The following CEP78 variants were observed in gnomAD, a reference collection of about 807,000 sequenced individuals.
The protein encoded by CEP78 is centrosomal protein 78, also known as centrosomal protein of 78 kDa.
A neutral mutation model predicts 81.2 loss-of-function variants in CEP78; 76 were observed. The observed-to-expected ratio is 0.94, with a 90% CI of 0.78 to 1.13. The LOEUF (loss-of-function observed/expected upper bound fraction) is 1.13. Among genes scored for constraint, CEP78 ranks in the 50% most tolerant of loss-of-function variants. The pLI, the probability that CEP78 is intolerant of heterozygous loss-of-function variation, is 0.00. For missense variants in CEP78, 918 were observed against 846.8 expected (o/e 1.08, Z -1.04); for synonymous variants, 293 against 301.4 (o/e 0.97, Z 0.29).
At position 78,275,909 on chromosome 9, in the gene CEP78, A is replaced by C. The variant is rs1042159182; in HGVS notation, c.*5058A>C. ...TGCAGTGAGCTGTGATCATGCCACC[A>C]CTGCTCTCTAGCCTGGGCAAGAGTG... On this transcript the variant is annotated 3_prime_UTR_variant, in exon 17 of 17. Transcript: ENST00000643273. 6.6e-6 allele frequency: 1 copy of C among 152,258 alleles called. No homozygotes were observed. The highest frequency in any genetic ancestry group is 1.9e-4 in the East Asian group (1 of 5,190). The allele number at this position is 152,258 out of a possible 1,614,324, so 9.4% of individuals were successfully genotyped here.
At chr9:78,248,730 C>T in intron 7 of CEP78, 32 bp from the exon 8 acceptor site, 1 of 1,117,614 alleles carries the variant, frequency 8.9e-7, no homozygotes, top group South Asian at 1.5e-5. Context: ...TGATCTGTAA[C>T]TGAAATATAG....
At chr9:78,248,928 T>C (rs1826629274) in intron 8 of CEP78, 55 bp downstream of exon 8, 6 of 816,112 alleles carry the variant, frequency 7.4e-6, no homozygotes, top group Non-Finnish European at 1.2e-5. Context: ...TGTGTTAAAA[T>C]TAAAATCTCT....
At chr9:78,238,155 C>T (rs1360328385) in intron 1 of CEP78, among the ~76,000 whole-genome samples, 1 of 151,082 alleles carries the variant, frequency 6.6e-6, no homozygotes, top group Non-Finnish European at 1.5e-5. Flanking sequence ...GGTAGGATTT[C>T]AGATATCTAA....
chr9:78,256,533 T>TA (rs1369166481), intron 11 of CEP78, among the ~76,000 whole-genome samples: 3 of 140,648 alleles, frequency 2.1e-5, no homozygotes, highest in Admixed American at 7.1e-5. Flanking sequence ...TATTTTTTTT[T>TA]TTTTTTTTTT....
intron 3 of CEP78, among the ~76,000 whole-genome samples, chr9:78,241,342 T>C (rs1395594421): frequency 2.0e-5 from 3 of 152,238 alleles, no homozygotes; most frequent in Admixed American, 6.5e-5. Flanking sequence ...TAATAACAGA[T>C]TGAGGTCTGC....
intron 13 of CEP78, 103 bp downstream of exon 13, chr9:78,264,419 G>A: frequency 1.2e-6 from 1 of 857,028 alleles, no homozygotes; most frequent in Middle Eastern, 2.9e-4. Flanking sequence ...CATATTTACT[G>A]TGTAATTATA....
At position 78,248,181 on chromosome 9, in the gene CEP78, A is replaced by G. The variant is rs183163396; in HGVS notation, c.893-110A>G. 1.5e-3 allele frequency: 1,002 copies of G among 686,134 alleles called. 12 individuals carry two copies. Among genetic ancestry groups the G allele is most frequent in the Admixed American group, 2.8e-4 (11 of 39,362 alleles). 42.5% of individuals were successfully genotyped at this position (686,134 alleles called of 1,614,324 possible). ...TATTTAATTACATTATGTGGAATTC[A>G]TATTCAATTTCATGGGAAAAAGCAA... On this transcript the variant is annotated intron_variant, in intron 6 of 16. Transcript: ENST00000643273.
chr9:78,265,881 CT>C lies in CEP78; in HGVS notation c.1822del (p.Tyr608ThrfsTer6). 1 of 1,399,784 alleles carries C rather than the reference CT, an allele frequency of 7.1e-7. No individual in the cohort carries two copies. Among genetic ancestry groups the C allele is most frequent in the Non-Finnish European group, 9.9e-7 (1 of 1,008,354 alleles). The allele number at this position is 1,399,784 out of a possible 1,614,324, so 86.7% of individuals were successfully genotyped here. ...TAGGTTTCTATTTGTATGCAGTCAG[CT>C]TACAATGAAGGAACACTAATGAAGG... The part of the protein sequence containing the change: ...NIQVSICMQS[A>X]YNEGTLMKFQ... On this transcript the variant is annotated frameshift_variant, in exon 15 of 17. Transcript: ENST00000643273. LOFTEE classifies it high-confidence loss of function.
At position 78,276,174 on chromosome 9, in the gene CEP78, T is replaced by C. The variant is rs76551883; in HGVS notation, c.*5323T>C. The C allele has an allele frequency of 2.0e-5, 3 of 152,154 alleles. No homozygotes were observed. Among genetic ancestry groups the C allele is most frequent in the African/African-American group, 4.8e-5 (2 of 41,440 alleles). 9.4% of individuals were successfully genotyped at this position (152,154 alleles called of 1,614,324 possible). On this transcript the variant is annotated 3_prime_UTR_variant, in exon 17 of 17. Coordinates refer to ENST00000643273, the MANE Select transcript of CEP78 (RefSeq NM_001330691.3). ...GAATTCAGCATTGTAGCAAAAGATATATCATTTTCAAGGAAGATTTGTACC... is the reference window on the plus strand; with the variant it reads ...GAATTCAGCATTGTAGCAAAAGATACATCATTTTCAAGGAAGATTTGTACC...
At chr9:78,259,293 A>C (rs1200863182) in intron 11 of CEP78, among the ~76,000 whole-genome samples, 1 of 152,198 alleles carries the variant, frequency 6.6e-6, no homozygotes, top group Admixed American at 6.5e-5. Context: ...ATGCATATAA[A>C]GGAAATGATC....
chr9:78,266,303 A>G (rs975959869), intron 15 of CEP78, 139 bp from the exon 16 acceptor site: 13 of 632,438 alleles, frequency 2.1e-5, no homozygotes, highest in African/African-American at 9.2e-5. Flanking sequence ...TAAGTTGGCA[A>G]TCACTTGGCA....
intron 11 of CEP78, among the ~76,000 whole-genome samples, chr9:78,258,989 A>G (rs1206200160): frequency 1.3e-5 from 2 of 152,154 alleles, no homozygotes; most frequent in Non-Finnish European, 2.9e-5. Context: ...TTGGGACCCA[A>G]CAAGTCATCT....
In CEP78 at chr9:78,236,095, A is replaced by G. The variant is rs1475353605; in HGVS notation, c.-256A>G. 9.9e-6 allele frequency: 5 copies of G among 506,042 alleles called. No individual in the cohort carries two copies. The Admixed American group carries it at 1.2e-4, about 12-fold the overall frequency. The allele number at this position is 506,042 out of a possible 1,614,324, so 31.3% of individuals were successfully genotyped here. A position where few individuals can be genotyped will look rare whatever the true frequency, so the allele number is the denominator to read the frequency against. On this transcript the variant is annotated 5_prime_UTR_variant, in exon 1 of 17. Transcript: ENST00000643273. Reference sequence around the variant, plus strand: ...CCACCGGCTTGAATCCCGGCGCCTCAGAGGACTATGAGGCGGGCGCCAACT... The same window carrying G: ...CCACCGGCTTGAATCCCGGCGCCTCGGAGGACTATGAGGCGGGCGCCAACT...
In CEP78 at chr9:78,276,590, A is replaced by C. The variant is rs1352127489; in HGVS notation, c.*5739A>C. 2.0e-5 allele frequency: 3 copies of C among 151,352 alleles called. No homozygotes were observed. In the East Asian group the frequency reaches 5.8e-4, roughly 29 times the overall value. The allele number at this position is 151,352 out of a possible 1,614,324, so 9.4% of individuals were successfully genotyped here. On this transcript the variant is annotated 3_prime_UTR_variant, in exon 17 of 17. Transcript: ENST00000643273. ...AAGCTGAATAAGGAGGCTGTGCACA[A>C]CACCAACACACCGGTATGAAAAGTG...
chr9:78,266,266 T>C (rs1327706520), intron 15 of CEP78, among the ~76,000 whole-genome samples, 176 bp from the exon 16 acceptor site: 1 of 152,182 alleles, frequency 6.6e-6, no homozygotes, highest in African/African-American at 2.4e-5. Flanking sequence ...GAAAATGTGC[T>C]GGACCTACTC....
chr9:78,251,999 T>A lies in CEP78; in HGVS notation c.1161T>A (p.Ser387=), dbSNP rs1263426280. Residue 387 remains serine, a synonymous_variant, in exon 9 of 17, where the codon TCT becomes TCA. Coordinates refer to ENST00000643273, the MANE Select transcript of CEP78 (RefSeq NM_001330691.3). The part of the protein sequence containing the change: ...YAPAPLPPGV[S]GFLPWRTAER... ...CCGCACCTCTTCCACCTGGTGTGTCTGGTTTCTTGCCGTGGCGTACTGCAG... is the reference window on the plus strand; with the variant it reads ...CCGCACCTCTTCCACCTGGTGTGTCAGGTTTCTTGCCGTGGCGTACTGCAG... 2 of 1,606,284 alleles carry A rather than the reference T, an allele frequency of 1.2e-6. No homozygotes were observed. Among genetic ancestry groups the A allele is most frequent in the East Asian group, 4.5e-5 (2 of 44,858 alleles).
chr9:78,257,117 C>A (rs1375558717), intron 11 of CEP78, among the ~76,000 whole-genome samples: 4 of 149,994 alleles, frequency 2.7e-5, no homozygotes, highest in Admixed American at 2.0e-4. Context: ...AAAAAAAAAA[C>A]TATAAGAAAG....
chr9:78,246,706 A>T lies in CEP78; in HGVS notation c.816A>T (p.Gly272=). The change falls in exon 6 of 17, where the codon GGA becomes GGT. Residue 272 remains glycine, a synonymous_variant. Transcript: ENST00000643273. ...AACAGTGCGGCCTCACCAATGAAGGAGCAAAGGCTTTGCTAGAGGCCCTTG... is the reference window on the plus strand; with the variant it reads ...AACAGTGCGGCCTCACCAATGAAGGTGCAAAGGCTTTGCTAGAGGCCCTTG... ...DLQQCGLTNE[G]AKALLEALET... 2 of 1,611,298 alleles carry T rather than the reference A, an allele frequency of 1.2e-6. No homozygotes were observed. Among genetic ancestry groups the T allele is most frequent in the Non-Finnish European group, 1.7e-6 (2 of 1,178,856 alleles).
rs1827687257 is a variant in CEP78, at chr9:78,271,480, ATATT to A, written c.*632_*635del. ...TAAAGAATAGGATGCCATGAAAAAA[ATATT>A]TAGAGTTTCTGGAAATTAAAAATTT... is the stretch of plus-strand genomic sequence containing the variant. On this transcript the variant is annotated 3_prime_UTR_variant, in exon 17 of 17. Coordinates refer to ENST00000643273, the MANE Select transcript of CEP78 (RefSeq NM_001330691.3). The A allele has an allele frequency of 6.6e-6, 1 of 152,208 alleles. No homozygotes were observed. Among genetic ancestry groups the A allele is most frequent in the Non-Finnish European group, 1.5e-5 (1 of 68,040 alleles). The allele number at this position is 152,208 out of a possible 1,614,324, so 9.4% of individuals were successfully genotyped here.
Sources: allele counts gnomAD v4.1 joint callset (sites outside exome capture counted in the v4.1 genomes callset), GRCh38; gene constraint gnomAD v4.1.1; transcripts MANE v1.5; gene names NCBI Gene and HGNC (gene_info 2026-07-23, HGNC 2026-07-21).